Variants in PRKCB observed in about 807,000 individuals in gnomAD.
The protein encoded by PRKCB is protein kinase C beta.
PRKCB carries 13 observed loss-of-function variants against 81.5 expected under a neutral mutation model. That is an observed-to-expected ratio of 0.16 (90% confidence interval 0.10 to 0.25). The LOEUF (loss-of-function observed/expected upper bound fraction) is 0.25, where lower values mean the gene tolerates loss of function less well. Ranked by LOEUF, PRKCB falls within the 10% of genes least tolerant of loss-of-function variation. PRKCB has a pLI of 1.00. For missense variants in PRKCB, 509 were observed against 875.7 expected, an observed-to-expected ratio of 0.58 and a Z score of 5.29; for synonymous variants, 335 against 321.4, an observed-to-expected ratio of 1.04 and a Z score of -0.45.
intron 2 of PRKCB, among the ~76,000 whole-genome samples, chr16:23,902,780 T>TCCTTCCTTCCTCCCTTCCTC (rs1567307987): frequency 1.1e-4 from 3 of 27,396 alleles, no homozygotes; most frequent in African/African-American, 5.2e-4. Flanking sequence ...CTTCCTTCCT[T>TCCTTCCTTCCTCCCTTCCTC]CCTCCCTCCC....
At chr16:24,106,136 T>A (rs1423811717) in intron 7 of PRKCB, among the ~76,000 whole-genome samples, 1 of 151,900 alleles carries the variant, frequency 6.6e-6, no homozygotes, top group African/African-American at 2.4e-5. Context: ...AAAAAACTAA[T>A]GCTTTGGAAT....
At chr16:24,055,007 G>A (rs775268477) in intron 5 of PRKCB, among the ~76,000 whole-genome samples, 2 of 152,170 alleles carry the variant, frequency 1.3e-5, no homozygotes, top group Non-Finnish European at 2.9e-5. Context: ...CCACAAACCC[G>A]ATGGCAGCCT....
chr16:24,219,029 G>C lies in PRKCB; in HGVS notation c.*4213G>C. Reference sequence around the variant, plus strand: ...ACTCCAGCTCCACCTGCCCCAGGTGGGTGTGGTGATGATGAGGAAAGACAA... The same window carrying C: ...ACTCCAGCTCCACCTGCCCCAGGTGCGTGTGGTGATGATGAGGAAAGACAA... On this transcript the variant is annotated 3_prime_UTR_variant, in exon 17 of 17. Coordinates refer to ENST00000643927, the MANE Select transcript of PRKCB (RefSeq NM_002738.7). 1 of 985,392 alleles carries C rather than the reference G, an allele frequency of 1.0e-6. No individual in the cohort carries two copies. The highest frequency in any genetic ancestry group is 1.2e-6 in the Non-Finnish European group (1 of 829,960). The allele number at this position is 985,392 out of a possible 1,614,324, so 61.0% of individuals were successfully genotyped here. A position where few individuals can be genotyped will look rare whatever the true frequency, so the allele number is the denominator to read the frequency against.
At chr16:23,912,951 A>G (rs1018959719) in intron 2 of PRKCB, among the ~76,000 whole-genome samples, 2 of 151,986 alleles carry the variant, frequency 1.3e-5, no homozygotes, top group African/African-American at 4.8e-5. Flanking sequence ...CAGCCTCCCA[A>G]GTAGCTGGGA....
rs145605966 is a variant in PRKCB, at chr16:24,008,278, C to T, written c.288+19688C>T. Among the ~76,000 whole-genome samples the T allele has an allele frequency of 8.5e-4, 129 of 152,314 alleles. 2 individuals carry two copies. The highest frequency in any genetic ancestry group is 2.9e-3 in the African/African-American group (122 of 41,586). On this transcript the variant is annotated intron_variant, in intron 3 of 16. Transcript: ENST00000643927. ...GGTAGACCTCAACCCTGTGTACCTG[C>T]ACAAATGGTCCTGAAGCAGGCAGCT...
intron 2 of PRKCB, among the ~76,000 whole-genome samples, chr16:23,865,930 G>A (rs1555479813): frequency 6.6e-6 from 1 of 151,984 alleles, no homozygotes; most frequent in Non-Finnish European, 1.5e-5. Flanking sequence ...TCCTCTTCTG[G>A]AGTTCAGAAC....
chr16:24,211,823 G>A (rs1968142935), intron 16 of PRKCB, among the ~76,000 whole-genome samples: 1 of 152,110 alleles, frequency 6.6e-6, no homozygotes, highest in Admixed American at 6.5e-5. Flanking sequence ...GCTTCCCAAA[G>A]TTCAGGGATT....
chr16:24,083,262 A>G (rs191379962), intron 5 of PRKCB, among the ~76,000 whole-genome samples: 19 of 152,342 alleles, frequency 1.2e-4, no homozygotes, highest in Non-Finnish European at 2.4e-4. Context: ...GCAAAATGGT[A>G]CAGCTGCTCC....
Position 23,874,569 on chromosome 16 carries a change from T to TC in PRKCB, c.205+37163_205+37164insC, listed in dbSNP as rs386384476. On this transcript the variant is annotated intron_variant, in intron 2 of 16. Transcript: ENST00000643927. Reference sequence around the variant, plus strand: ...CCTAGCATCACCAGATTCTTCTCTCTTTTTTTTTTTTTTTGTTTTGCCCCA... The same window carrying TC: ...CCTAGCATCACCAGATTCTTCTCTCTCTTTTTTTTTTTTTTGTTTTGCCCCA... Among the ~76,000 whole-genome samples, 34 of 1,938 alleles carry TC rather than the reference T, an allele frequency of 0.018. 1 individual carries two copies. The East Asian group carries it at 0.45, about 25-fold the overall frequency. The allele number at this position is 1,938 out of a possible 152,430, so 1.3% of individuals were successfully genotyped here.
At chr16:23,979,376 G>T (rs146751620) in intron 2 of PRKCB, among the ~76,000 whole-genome samples, 1 of 151,854 alleles carries the variant, frequency 6.6e-6, no homozygotes, top group Non-Finnish European at 1.5e-5. Flanking sequence ...GCATTCACAC[G>T]TAAAATCTCA....
At chr16:23,861,789 C>T (rs1338950022) in intron 2 of PRKCB, among the ~76,000 whole-genome samples, 2 of 152,186 alleles carry the variant, frequency 1.3e-5, no homozygotes, top group South Asian at 2.1e-4. Flanking sequence ...GGTTGGCAAG[C>T]TGTAAATGGC....
chr16:24,055,621 G>A (rs913035280), intron 5 of PRKCB, among the ~76,000 whole-genome samples: 11 of 152,222 alleles, frequency 7.2e-5, no homozygotes, highest in South Asian at 2.1e-4. Flanking sequence ...GTCTTAGCCC[G>A]TTGTTGGAGA....
At chr16:24,020,550 A>G (rs183626847) in intron 3 of PRKCB, among the ~76,000 whole-genome samples, 4 of 152,270 alleles carry the variant, frequency 2.6e-5, no homozygotes, top group African/African-American at 9.6e-5. Context: ...TGTGCAGGAC[A>G]CTGTGCTTGA....
intron 9 of PRKCB, among the ~76,000 whole-genome samples, chr16:24,140,430 A>G (rs1342933972): frequency 6.6e-6 from 1 of 152,178 alleles, no homozygotes; most frequent in African/African-American, 2.4e-5. Flanking sequence ...GGGAATTATA[A>G]TAGGGAAAGA....
chr16:24,152,097 T>C (rs774719432), intron 9 of PRKCB, among the ~76,000 whole-genome samples: 83 of 152,010 alleles, frequency 5.5e-4, no homozygotes, highest in Non-Finnish European at 1.1e-3. Context: ...GGAGAGTGTA[T>C]TAGTCCGTTT....
chr16:23,844,327 G>A (rs569217090), intron 2 of PRKCB, among the ~76,000 whole-genome samples: 1 of 152,256 alleles, frequency 6.6e-6, no homozygotes, highest in Non-Finnish European at 1.5e-5. Context: ...GTTTACATAT[G>A]GCATTTGGAG....
chr16:24,216,446 C>T lies in PRKCB; in HGVS notation c.*1630C>T. On this transcript the variant is annotated 3_prime_UTR_variant, in exon 17 of 17. Transcript: ENST00000643927. ...GCAGGTGACTCCCCCTCCTCGCCTGCCGTGTCCTGCTATTCTCAGGCAGCT... is the reference window on the plus strand; with the variant it reads ...GCAGGTGACTCCCCCTCCTCGCCTGTCGTGTCCTGCTATTCTCAGGCAGCT... 1 of 985,438 alleles carries T rather than the reference C, an allele frequency of 1.0e-6. No individual in the cohort carries two copies. Among genetic ancestry groups the T allele is most frequent in the Non-Finnish European group, 1.2e-6 (1 of 829,936 alleles). 61.0% of individuals were successfully genotyped at this position (985,438 alleles called of 1,614,324 possible).
intron 2 of PRKCB, among the ~76,000 whole-genome samples, chr16:23,860,410 T>C (rs2141089813): frequency 6.6e-6 from 1 of 152,188 alleles, no homozygotes; most frequent in South Asian, 2.1e-4. Flanking sequence ...CTGTGCCATA[T>C]CCGGGTGTAG....
intron 2 of PRKCB, among the ~76,000 whole-genome samples, chr16:23,839,420 C>T (rs777894498): frequency 7.9e-5 from 12 of 151,752 alleles, no homozygotes; most frequent in Non-Finnish European, 1.3e-4. Context: ...ACTACAAGTA[C>T]GCACCACCAT....
Sources: gnomAD v4.1 joint callset for allele counts (sites outside exome capture counted in the v4.1 genomes callset) on GRCh38, gnomAD v4.1.1 for gene constraint, MANE v1.5 for transcripts, NCBI Gene and HGNC (gene_info 2026-07-23, HGNC 2026-07-21) for gene names.